The following CHRM3 variants were observed in gnomAD, a reference collection of about 807,000 sequenced individuals.
The protein encoded by CHRM3 is muscarinic acetylcholine receptor M3.
A neutral mutation model predicts 41.8 loss-of-function variants in CHRM3; 11 were observed. That is an observed-to-expected ratio of 0.26 (90% confidence interval 0.17 to 0.44). The LOEUF is 0.44. Ranked by LOEUF, CHRM3 falls within the 20% of genes least tolerant of loss-of-function variation. The probability of loss-of-function intolerance (pLI) is 1.00; values close to 1 mark genes in which losing one functional copy is unlikely to be tolerated. For synonymous variants in CHRM3, 297 were observed against 301.4 expected, an observed-to-expected ratio of 0.99 and a Z score of 0.15; for missense variants, 571 against 745.4, an observed-to-expected ratio of 0.77 and a Z score of 2.72.
chr1:239,532,099 G>A (rs1388634797), intron 2 of CHRM3, among the ~76,000 whole-genome samples: 19 of 118,106 alleles, frequency 1.6e-4, no homozygotes, highest in Non-Finnish European at 2.8e-4. Flanking sequence ...TGCAAGCTCC[G>A]CCTCCCGGGT....
chr1:239,533,366 A>G (rs1278427177), intron 2 of CHRM3, among the ~76,000 whole-genome samples: 2 of 152,140 alleles, frequency 1.3e-5, no homozygotes, highest in Admixed American at 1.3e-4. Context: ...ACTTACAATC[A>G]TGGCAGAAGG....
At position 239,813,892 on chromosome 1, in the gene CHRM3, G is replaced by C. The variant is rs1233535407; in HGVS notation, c.-146-13360G>C. ...AGATCCCGCCACTGCACTCCAGCCT[G>C]GGCGACAGAGCGAGACTCCGTCTCA... On this transcript the variant is annotated intron_variant, in intron 5 of 6. Transcript: ENST00000676153. Among the ~76,000 whole-genome samples, 3 of 115,808 alleles carry C rather than the reference G, an allele frequency of 2.6e-5. No homozygotes were observed. In the Admixed American group the frequency reaches 2.9e-4, roughly 11 times the overall value. 76.0% of individuals were successfully genotyped at this position (115,808 alleles called of 152,430 possible).
intron 6 of CHRM3, among the ~76,000 whole-genome samples, chr1:239,830,481 A>G (rs1023489329): frequency 8.5e-4 from 129 of 152,256 alleles, no homozygotes; most frequent in African/African-American, 2.3e-3. Flanking sequence ...AGGCGGGCGG[A>G]TCACGAGCTC....
At chr1:239,773,166 A>T (rs1667825498) in intron 5 of CHRM3, among the ~76,000 whole-genome samples, 1 of 152,206 alleles carries the variant, frequency 6.6e-6, no homozygotes, top group Non-Finnish European at 1.5e-5. Flanking sequence ...AGGGTTACTC[A>T]CTAATGATCT....
chr1:239,516,391 G>C lies in CHRM3; in HGVS notation c.-422+23584G>C, dbSNP rs996134244. Reference sequence around the variant, plus strand: ...TCGCAAAAAGCTGCTATGAGAATTAGAGTAGACAGTGCATGTGAAGGTGTT... The same window carrying C: ...TCGCAAAAAGCTGCTATGAGAATTACAGTAGACAGTGCATGTGAAGGTGTT... On this transcript the variant is annotated intron_variant, in intron 2 of 6. Coordinates refer to ENST00000676153, the MANE Select transcript of CHRM3 (RefSeq NM_001375978.1). 1.6e-4 allele frequency among the ~76,000 whole-genome samples: 24 copies of C among 152,332 alleles called. No homozygotes were observed. In the East Asian group the frequency reaches 4.6e-3, roughly 29 times the overall value.
chr1:239,598,961 C>T (rs550399391), intron 3 of CHRM3, among the ~76,000 whole-genome samples: 10 of 151,780 alleles, frequency 6.6e-5, no homozygotes, highest in Admixed American at 2.0e-4. Flanking sequence ...ATGTTTTGGC[C>T]CTCCCCTAAT....
At chr1:239,662,893 C>CTTCTTCTTCTTCTTCTTCTTCT (rs1553356875) in intron 4 of CHRM3, among the ~76,000 whole-genome samples, 14 of 46,400 alleles carry the variant, frequency 3.0e-4, no homozygotes, top group African/African-American at 1.1e-3. Flanking sequence ...CTTCCTCCTC[C>CTTCTTCTTCTTCTTCTTCTTCT]TCTTCTTCTT....
At chr1:239,432,851 G>A (rs899660724) in intron 1 of CHRM3, among the ~76,000 whole-genome samples, 2 of 151,984 alleles carry the variant, frequency 1.3e-5, no homozygotes, top group South Asian at 2.1e-4. Flanking sequence ...CCATTTTCAC[G>A]GGTTCTTTTA....
intron 1 of CHRM3, among the ~76,000 whole-genome samples, chr1:239,413,785 T>C (rs1661290186): frequency 6.6e-6 from 1 of 152,240 alleles, no homozygotes; most frequent in South Asian, 2.1e-4. Flanking sequence ...TTCTGCGGTG[T>C]GGAGAAAGTT....
intron 3 of CHRM3, among the ~76,000 whole-genome samples, chr1:239,562,586 T>G (rs566850060): frequency 1.9e-3 from 289 of 151,984 alleles, no homozygotes; most frequent in African/African-American, 6.4e-3. Context: ...TGATTATTAT[T>G]ATTATTATTT....
intron 2 of CHRM3, among the ~76,000 whole-genome samples, chr1:239,539,494 C>T (rs1239124723): frequency 7.3e-6 from 1 of 136,684 alleles, no homozygotes; most frequent in Non-Finnish European, 1.6e-5. Flanking sequence ...GTCACTATTG[C>T]TATTATGGTT....
intron 3 of CHRM3, among the ~76,000 whole-genome samples, chr1:239,602,721 G>A (rs1665754419): frequency 6.6e-6 from 1 of 152,040 alleles, no homozygotes; most frequent in Non-Finnish European, 1.5e-5. Context: ...TTGCATGTGT[G>A]TTTATAAACT....
intron 2 of CHRM3, among the ~76,000 whole-genome samples, chr1:239,507,840 T>G (rs1315717368): frequency 1.3e-5 from 2 of 152,182 alleles, no homozygotes; most frequent in Admixed American, 1.3e-4. Context: ...CCAGAGGGTA[T>G]CCCTATAATT....
At chr1:239,588,624 T>A (rs1663690193) in intron 3 of CHRM3, among the ~76,000 whole-genome samples, 1 of 152,190 alleles carries the variant, frequency 6.6e-6, no homozygotes, top group Admixed American at 6.5e-5. Flanking sequence ...TCAAAACATA[T>A]TTTTAACTGT....
intron 4 of CHRM3, among the ~76,000 whole-genome samples, chr1:239,635,364 T>C (rs868539617): frequency 6.8e-4 from 104 of 152,348 alleles, no homozygotes; most frequent in African/African-American, 2.3e-3. Flanking sequence ...AAATCTGATA[T>C]GATCTGGTTT....
At chr1:239,413,860 T>TA (rs1156885238) in intron 1 of CHRM3, among the ~76,000 whole-genome samples, 12 of 152,336 alleles carry the variant, frequency 7.9e-5, no homozygotes, top group Admixed American at 7.2e-4. Flanking sequence ...AACAAACAGC[T>TA]AAATGTCAGT....
intron 6 of CHRM3, among the ~76,000 whole-genome samples, chr1:239,879,995 C>T (rs1677451739): frequency 6.6e-6 from 1 of 152,138 alleles, no homozygotes; most frequent in Non-Finnish European, 1.5e-5. Flanking sequence ...ACACAGTATG[C>T]CAATCACTGT....
chr1:239,534,080 C>A (rs1264305850), intron 2 of CHRM3, among the ~76,000 whole-genome samples: 1 of 152,190 alleles, frequency 6.6e-6, no homozygotes, highest in Non-Finnish European at 1.5e-5. Context: ...ATAATCCCAG[C>A]ACTTTGGGAG....
At chr1:239,602,082 A>T (rs1026037584) in intron 3 of CHRM3, among the ~76,000 whole-genome samples, 5 of 49,102 alleles carry the variant, frequency 1.0e-4, no homozygotes, top group Non-Finnish European at 1.7e-4. Flanking sequence ...GTACACATAC[A>T]TATATACATG....
Sources: gnomAD v4.1 joint callset for allele counts (sites outside exome capture counted in the v4.1 genomes callset) on GRCh38, gnomAD v4.1.1 for gene constraint, MANE v1.5 for transcripts, NCBI Gene and HGNC (gene_info 2026-07-23, HGNC 2026-07-21) for gene names.